Variants in TUSC3 observed in about 807,000 individuals in gnomAD.
The protein encoded by TUSC3 is dolichyl-diphosphooligosaccharide--protein glycosyltransferase subunit TUSC3.
Under a neutral mutation model 44.8 loss-of-function variants are expected in TUSC3, and 45 were observed. The observed-to-expected ratio is 1.00, with a 90% confidence interval of 0.79 to 1.29. TUSC3 has a LOEUF of 1.29. TUSC3 is among the 50% of genes most tolerant of loss of function. TUSC3 has a pLI of 0.00. For missense variants in TUSC3, 519 were observed against 437.9 expected (o/e 1.19, Z -1.65); for synonymous variants, 212 against 152.9 (o/e 1.39, Z -2.85).
intron 2 of TUSC3, among the ~76,000 whole-genome samples, chr8:15,534,696 G>T (rs1397585714): frequency 6.6e-6 from 1 of 150,596 alleles, no homozygotes; most frequent in Non-Finnish European, 1.5e-5. Context: ...GAGTTTAATT[G>T]AGCAATGAAC....
chr8:15,570,233 G>A (rs1802821454), intron 1 of TUSC3, among the ~76,000 whole-genome samples: 1 of 150,762 alleles, frequency 6.6e-6, no homozygotes, highest in Admixed American at 6.6e-5. Context: ...TCTTTTTCCA[G>A]TGTTAAAGCA....
chr8:15,638,566 C>G (rs1238269811), intron 2 of TUSC3, among the ~76,000 whole-genome samples: 1 of 130,664 alleles, frequency 7.7e-6, no homozygotes, highest in African/African-American at 3.0e-5. Flanking sequence ...CTCTGTTGCC[C>G]ATGCTGGAGT....
chr8:15,573,663 G>C (rs1430482144), intron 1 of TUSC3, among the ~76,000 whole-genome samples: 1 of 151,974 alleles, frequency 6.6e-6, no homozygotes, highest in Non-Finnish European at 1.5e-5. Context: ...TTTTAAAGGG[G>C]CTGCTAGCAA....
chr8:15,576,293 T>A (rs2129144964), intron 1 of TUSC3, among the ~76,000 whole-genome samples: 1 of 144,480 alleles, frequency 6.9e-6, no homozygotes, highest in South Asian at 2.2e-4. Context: ...TTTTTTTTTA[T>A]TTTTTTATTT....
chr8:15,558,143 G>C (rs2129139070), intron 1 of TUSC3, among the ~76,000 whole-genome samples: 1 of 41,114 alleles, frequency 2.4e-5, no homozygotes, highest in Admixed American at 3.2e-4. Context: ...CTGTGGGTTT[G>C]TCATAGATAG....
chr8:15,635,478 G>A (rs1806024676), intron 2 of TUSC3, among the ~76,000 whole-genome samples: 1 of 152,114 alleles, frequency 6.6e-6, no homozygotes, highest in Non-Finnish European at 1.5e-5. Context: ...TGTGGCAAAA[G>A]GCACAGTATT....
chr8:15,648,618 C>G (rs900984012), intron 2 of TUSC3, among the ~76,000 whole-genome samples: 2 of 147,520 alleles, frequency 1.4e-5, no homozygotes, highest in Non-Finnish European at 3.0e-5. Flanking sequence ...CCCAGCTACT[C>G]GGGAGGCTGA....
intron 9 of TUSC3, among the ~76,000 whole-genome samples, chr8:15,754,900 C>T (rs548108321): frequency 6.6e-6 from 1 of 152,072 alleles, no homozygotes; most frequent in East Asian, 1.9e-4. Flanking sequence ...TTATTTTAAT[C>T]TTAAGCCTTA....
At chr8:15,651,009 AC>A (rs1806878820) in intron 3 of TUSC3, 195 bp downstream of exon 3, 2 of 565,744 alleles carry the variant, frequency 3.5e-6, no homozygotes, top group Non-Finnish European at 6.4e-6. Context: ...ACACACACAC[AC>A]ACACACACAC....
intron 1 of TUSC3, among the ~76,000 whole-genome samples, chr8:15,554,148 T>G (rs1197541534): frequency 1.4e-5 from 1 of 71,776 alleles, no homozygotes. Flanking sequence ...ATTTTTGATT[T>G]TGTCATCTCT....
chr8:15,674,180 C>A (rs1368308043), intron 6 of TUSC3, among the ~76,000 whole-genome samples: 1 of 152,006 alleles, frequency 6.6e-6, no homozygotes. Context: ...CAATGTCCCT[C>A]CCATCCATGG....
At chr8:15,742,099 C>T (rs1441443417) in intron 7 of TUSC3, among the ~76,000 whole-genome samples, 2 of 152,132 alleles carry the variant, frequency 1.3e-5, no homozygotes, top group Non-Finnish European at 2.9e-5. Flanking sequence ...CAGTCATTCT[C>T]TTAGAATATT....
intron 6 of TUSC3, 85 bp downstream of exon 6, chr8:15,673,921 G>A: frequency 8.4e-7 from 1 of 1,188,126 alleles, no homozygotes; most frequent in East Asian, 2.4e-5. Context: ...TATTTAGTAG[G>A]AAAAGATTCT....
chr8:15,795,136 A>C, the TUSC3 span, among the ~76,000 whole-genome samples: 2 of 152,168 alleles, frequency 1.3e-5, no homozygotes, highest in African/African-American at 4.8e-5. Flanking sequence ...TAGTGACCTC[A>C]ATCATGGCTC....
At chr8:15,419,375 A>G (rs1180925550) in intron 1 of TUSC3, among the ~76,000 whole-genome samples, 1 of 152,224 alleles carries the variant, frequency 6.6e-6, no homozygotes. Context: ...AAGACATTTG[A>G]GTTCAGTATA....
chr8:15,723,660 A>G (rs889765112), intron 6 of TUSC3, among the ~76,000 whole-genome samples: 4 of 152,164 alleles, frequency 2.6e-5, no homozygotes, highest in African/African-American at 9.7e-5. Flanking sequence ...AGGACTACAA[A>G]CATGTAACTA....
chr8:15,621,507 A>C (rs1015530214), intron 1 of TUSC3, among the ~76,000 whole-genome samples: 37 of 57,660 alleles, frequency 6.4e-4, no homozygotes, highest in African/African-American at 1.6e-3. Context: ...AAATACACAT[A>C]AATATATGTA....
intron 1 of TUSC3, among the ~76,000 whole-genome samples, chr8:15,461,347 T>C (rs1209663356): frequency 6.6e-6 from 1 of 152,084 alleles, no homozygotes; most frequent in Non-Finnish European, 1.5e-5. Flanking sequence ...TTGGTCACTG[T>C]TGGTGTATAG....
chr8:15,773,314 A>G, the TUSC3 span, among the ~76,000 whole-genome samples: 1 of 152,218 alleles, frequency 6.6e-6, no homozygotes, highest in Admixed American at 6.5e-5. Context: ...TTGTATTTCT[A>G]TATACTAGCA....
Sources: allele counts gnomAD v4.1 joint callset (sites outside exome capture counted in the v4.1 genomes callset), GRCh38; gene constraint gnomAD v4.1.1; transcripts MANE v1.5; gene names NCBI Gene and HGNC (gene_info 2026-07-23, HGNC 2026-07-21).